Variants in C4orf36 observed in about 807,000 individuals in gnomAD.
The protein encoded by C4orf36 is chromosome 4 open reading frame 36.
C4orf36 carries 11 observed loss-of-function variants against 12.2 expected under a neutral mutation model. The observed-to-expected ratio is 0.90, with a 90% CI of 0.57 to 1.49. C4orf36 has a LOEUF of 1.49. Ranked by LOEUF, C4orf36 falls within the 40% of genes most tolerant of loss-of-function variation. The probability of loss-of-function intolerance (pLI) is 0.00; values close to 1 mark genes in which losing one functional copy is unlikely to be tolerated. For missense variants in C4orf36, 137 were observed against 133.9 expected (o/e 1.02, Z -0.11); for synonymous variants, 54 against 51.3 (o/e 1.05, Z -0.22).
At chr4:86,926,461 T>G in the C4orf36 span, 72,493 of 152,024 alleles carry the variant, frequency 0.48, 18,034 homozygotes, top group Middle Eastern at 0.62. Context: ...ACACTTCCCC[T>G]AGCAACCTCC....
chr4:86,892,595 T>TA (rs1273609490), upstream of C4orf36, among the ~76,000 whole-genome samples: 1 of 152,226 alleles, frequency 6.6e-6, no homozygotes, highest in African/African-American at 2.4e-5. Flanking sequence ...GAGAGGGCTG[T>TA]AAGCCAGACC....
intron 4 of C4orf36, among the ~76,000 whole-genome samples, chr4:86,877,984 A>C (rs113782908): frequency 6.6e-6 from 1 of 152,216 alleles, no homozygotes; most frequent in African/African-American, 2.4e-5. Flanking sequence ...CCGTGAGTTG[A>C]TAAGTGCTGG....
chr4:86,881,962 G>A (rs770255227), intron 4 of C4orf36, among the ~76,000 whole-genome samples: 20 of 152,170 alleles, frequency 1.3e-4, no homozygotes, highest in African/African-American at 3.4e-4. Context: ...ACAGGCGTGC[G>A]CCTCCATGCC....
chr4:86,884,453 C>T (rs922319497), intron 4 of C4orf36, among the ~76,000 whole-genome samples: 9 of 152,006 alleles, frequency 5.9e-5, no homozygotes, highest in Admixed American at 5.2e-4. Context: ...TACAGGCACA[C>T]AGCACCATGT....
At chr4:86,921,836 C>A in the C4orf36 span, among the ~76,000 whole-genome samples, 1 of 152,190 alleles carries the variant, frequency 6.6e-6, no homozygotes, top group South Asian at 2.1e-4. Context: ...ACTCCGCATT[C>A]TTTCCTTCCT....
At chr4:86,902,020 T>C in the C4orf36 span, among the ~76,000 whole-genome samples, 1 of 152,124 alleles carries the variant, frequency 6.6e-6, no homozygotes, top group Non-Finnish European at 1.5e-5. Flanking sequence ...ATGACACATA[T>C]AGATACACAG....
the C4orf36 span, among the ~76,000 whole-genome samples, chr4:86,930,801 G>A: frequency 2.6e-5 from 4 of 152,274 alleles, no homozygotes; most frequent in Middle Eastern, 3.4e-3. Flanking sequence ...GTGATGTCAG[G>A]TCACTAGGAA....
At chr4:86,914,152 C>G in the C4orf36 span, 295 of 1,596,740 alleles carry the variant, frequency 1.8e-4, 2 homozygotes, top group African/African-American at 3.5e-3. Context: ...GCTCCACTTC[C>G]CACAGCAAAT....
chr4:86,904,069 A>G, the C4orf36 span, among the ~76,000 whole-genome samples: 4 of 152,214 alleles, frequency 2.6e-5, no homozygotes, highest in Admixed American at 6.5e-5. Flanking sequence ...CCATCCCAGA[A>G]GCCCAGCCAG....
At chr4:86,884,211 G>T (rs932801819) in intron 4 of C4orf36, among the ~76,000 whole-genome samples, 4 of 150,816 alleles carry the variant, frequency 2.7e-5, no homozygotes, top group Non-Finnish European at 2.9e-5. Flanking sequence ...GTATTTTCAT[G>T]TCACTTTCAC....
chr4:86,887,220 A>T (rs913084099), intron 4 of C4orf36: 1 of 152,166 alleles, frequency 6.6e-6, no homozygotes, highest in African/African-American at 2.4e-5. Flanking sequence ...TATGTAACAA[A>T]CCTGCACGTT....
chr4:86,898,543 T>G, the C4orf36 span, among the ~76,000 whole-genome samples: 3 of 152,026 alleles, frequency 2.0e-5, no homozygotes, highest in African/African-American at 7.2e-5. Context: ...TTTTTTTAAA[T>G]AAATAATTAA....
At chr4:86,899,123 A>G in the C4orf36 span, among the ~76,000 whole-genome samples, 1 of 152,144 alleles carries the variant, frequency 6.6e-6, no homozygotes, top group Admixed American at 6.6e-5. Flanking sequence ...TCGCTGAAGC[A>G]CTGACCTCCT....
chr4:86,930,967 A>G, the C4orf36 span, among the ~76,000 whole-genome samples: 1 of 152,212 alleles, frequency 6.6e-6, no homozygotes, highest in Non-Finnish European at 1.5e-5. Flanking sequence ...CCCACAATCT[A>G]TACCTGGCTT....
At chr4:86,932,912 T>C in the C4orf36 span, among the ~76,000 whole-genome samples, 3 of 152,112 alleles carry the variant, frequency 2.0e-5, no homozygotes, top group Non-Finnish European at 4.4e-5. Flanking sequence ...GTGCTAAAAA[T>C]GTAATTTAAG....
At chr4:86,882,016 A>G (rs1213315987) in intron 4 of C4orf36, among the ~76,000 whole-genome samples, 1 of 152,208 alleles carries the variant, frequency 6.6e-6, no homozygotes, top group African/African-American at 2.4e-5. Flanking sequence ...TTGAGTGCCT[A>G]TATGAGTTAT....
At chr4:86,935,922 C>G in the C4orf36 span, 2 of 152,334 alleles carry the variant, frequency 1.3e-5, no homozygotes, top group African/African-American at 4.8e-5. Flanking sequence ...CACCCTCCGA[C>G]GGTGCGAGCG....
At chr4:86,915,792 G>T in the C4orf36 span, among the ~76,000 whole-genome samples, 2,705 of 152,120 alleles carry the variant, frequency 0.018, 39 homozygotes, top group Non-Finnish European at 0.029. Context: ...CGTCTCAAAA[G>T]AAAACAATAA....
intron 2 of C4orf36, among the ~76,000 whole-genome samples, chr4:86,890,310 G>A (rs1348083898): frequency 6.6e-6 from 1 of 151,758 alleles, no homozygotes; most frequent in Non-Finnish European, 1.5e-5. Flanking sequence ...TCTGAACCCA[G>A]GAAGTCAGAC....
Sources: allele counts gnomAD v4.1 joint callset (sites outside exome capture counted in the v4.1 genomes callset), GRCh38; gene constraint gnomAD v4.1.1; transcripts MANE v1.5; gene names NCBI Gene and HGNC (gene_info 2026-07-23, HGNC 2026-07-21).